Variants in GABRA1 observed in about 807,000 individuals in gnomAD.
The protein encoded by GABRA1 is gamma-aminobutyric acid receptor subunit alpha-1.
Under a neutral mutation model 48.9 loss-of-function variants are expected in GABRA1, and 9 were observed. The ratio of observed to expected loss-of-function variants is 0.18; its 90% CI spans 0.11 to 0.32. The LOEUF (loss-of-function observed/expected upper bound fraction) is 0.32, where lower values mean the gene tolerates loss of function less well. GABRA1 is among the 10% of genes least tolerant of loss of function. The pLI, the probability that GABRA1 is intolerant of heterozygous loss-of-function variation, is 1.00. For missense variants in GABRA1, 285 were observed against 553.8 expected (o/e 0.51, Z 4.87); for synonymous variants, 210 against 198.7 (o/e 1.06, Z -0.48).
chr5:161,849,895 A>G (rs1757367063), intron 1 of GABRA1, among the ~76,000 whole-genome samples: 1 of 152,160 alleles, frequency 6.6e-6, no homozygotes, highest in African/African-American at 2.4e-5. Context: ...ACATTCCACT[A>G]CCAAGTCTAA....
chr5:161,896,227 A>G (rs1377493785), intron 9 of GABRA1, among the ~76,000 whole-genome samples: 1 of 152,160 alleles, frequency 6.6e-6, no homozygotes, highest in African/African-American at 2.4e-5. Context: ...TAATTTTATA[A>G]CTTGAAAGTT....
intron 2 of GABRA1, among the ~76,000 whole-genome samples, chr5:161,852,895 C>T (rs1465598945): frequency 1.3e-5 from 2 of 151,894 alleles, no homozygotes; most frequent in East Asian, 3.9e-4. Context: ...ATTTTTTGAT[C>T]ATATATCTTG....
At chr5:161,860,885 G>T (rs1230381551) in intron 3 of GABRA1, among the ~76,000 whole-genome samples, 1 of 151,856 alleles carries the variant, frequency 6.6e-6, no homozygotes, top group Non-Finnish European at 1.5e-5. Flanking sequence ...AGCTACTCTT[G>T]ACCTTTTTAT....
chr5:161,851,953 G>A (rs973179615), intron 2 of GABRA1, among the ~76,000 whole-genome samples: 1 of 152,024 alleles, frequency 6.6e-6, no homozygotes, highest in Non-Finnish European at 1.5e-5. Context: ...ATCAAAATCA[G>A]GTAATGTAAC....
chr5:161,859,263 A>G (rs1042956304), intron 3 of GABRA1, among the ~76,000 whole-genome samples: 1 of 151,720 alleles, frequency 6.6e-6, no homozygotes, highest in Non-Finnish European at 1.5e-5. Context: ...CCTTACCATC[A>G]TATTTTTTCC....
rs201136274 is a variant in GABRA1 at position 161,893,004 on chromosome 5, CA to C, written c.856+1961del. Among the ~76,000 whole-genome samples, 2 of 33,962 alleles carry C rather than the reference CA, an allele frequency of 5.9e-5. 1 individual carries two copies. Among genetic ancestry groups the C allele is most frequent in the African/African-American group, 3.0e-4 (2 of 6,678 alleles). The allele number at this position is 33,962 out of a possible 152,430, so 22.3% of individuals were successfully genotyped here. ...GGAGCAACAGAGCGAGACTCCTTCT[CA>C]AAAAAATAATAATAATAATAATAAT... On this transcript the variant is annotated intron_variant, in intron 8 of 9. Transcript: ENST00000393943.
In GABRA1 at chr5:161,865,884, A is replaced by G. The variant is rs1753814728; in HGVS notation, c.255+96A>G. ...ACTAAGTTCTTAGGGAGCAACCTGAAAAGTCTTGGCTATACTTTTGTGTCT... is the reference window on the plus strand; with the variant it reads ...ACTAAGTTCTTAGGGAGCAACCTGAGAAGTCTTGGCTATACTTTTGTGTCT... On this transcript the variant is annotated intron_variant, in intron 4 of 9. Coordinates refer to ENST00000393943, the MANE Select transcript of GABRA1 (RefSeq NM_001127644.2). 4.2e-5 allele frequency: 40 copies of G among 961,054 alleles called. 1 individual carries two copies. The South Asian group carries it at 5.1e-4, about 12-fold the overall frequency. The allele number at this position is 961,054 out of a possible 1,614,324, so 59.5% of individuals were successfully genotyped here.
intron 3 of GABRA1, among the ~76,000 whole-genome samples, chr5:161,858,764 A>G (rs531931351): frequency 2.6e-5 from 4 of 151,922 alleles, no homozygotes; most frequent in African/African-American, 9.6e-5. Context: ...ATTTCCGAAG[A>G]AAGACCTTTT....
intron 8 of GABRA1, 86 bp from the exon 9 acceptor site, chr5:161,895,580 T>C: frequency 8.2e-7 from 1 of 1,214,960 alleles, no homozygotes; most frequent in Admixed American, 2.0e-5. Flanking sequence ...TACTGTTGAT[T>C]TCCTTTTGTT....
Position 161,897,159 on chromosome 5 carries a change from C to A in GABRA1, c.1108C>A (p.Pro370Thr), listed in dbSNP as rs1424508480. Residue 370 changes from proline to threonine, a missense_variant, in exon 10 of 10, where the codon CCA becomes ACA. Pro to Thr is a conservative substitution (Grantham distance 38). Coordinates refer to ENST00000393943, the MANE Select transcript of GABRA1 (RefSeq NM_001127644.2). ...TATTAAGAAAAACAACACTTACGCTCCAACAGCAACCAGCTACACCCCTAA... is the reference window on the plus strand; with the variant it reads ...TATTAAGAAAAACAACACTTACGCTACAACAGCAACCAGCTACACCCCTAA... ...PLIKKNNTYA[P>T]TATSYTPNLA... The A allele has an allele frequency of 6.2e-7, 1 of 1,613,948 alleles. No individual in the cohort carries two copies. Among genetic ancestry groups the A allele is most frequent in the African/African-American group, 1.3e-5 (1 of 74,900 alleles).
intron 6 of GABRA1, chr5:161,882,351 A>G: frequency 3.4e-6 from 2 of 586,832 alleles, no homozygotes; most frequent in Non-Finnish European, 6.0e-6. Flanking sequence ...CCTTATAACC[A>G]TTTGTTGGAA....
chr5:161,896,311 A>C (rs1755366001), intron 9 of GABRA1, among the ~76,000 whole-genome samples: 1 of 152,194 alleles, frequency 6.6e-6, no homozygotes, highest in Non-Finnish European at 1.5e-5. Context: ...AATTAAATTA[A>C]GTTTGCCACA....
intron 7 of GABRA1, among the ~76,000 whole-genome samples, chr5:161,889,026 A>T (rs1462284033): frequency 6.6e-6 from 1 of 152,072 alleles, no homozygotes; most frequent in African/African-American, 2.4e-5. Flanking sequence ...ATATGTATGT[A>T]GTTAAATAAC....
intron 8 of GABRA1, 80 bp from the exon 9 acceptor site, chr5:161,895,586 T>C: frequency 1.6e-6 from 2 of 1,269,956 alleles, no homozygotes; most frequent in South Asian, 2.5e-5. Flanking sequence ...TGATTTCCTT[T>C]TGTTCAAGTA....
chr5:161,872,307 A>G (rs1011314350), intron 4 of GABRA1: 10 of 152,538 alleles, frequency 6.6e-5, no homozygotes, highest in Non-Finnish European at 1.0e-4. Flanking sequence ...AGATTAGCAG[A>G]TGTTTGTCTC....
intron 2 of GABRA1, 31 bp downstream of exon 2, chr5:161,850,915 A>G (rs748063456): frequency 1.9e-6 from 3 of 1,559,324 alleles, no homozygotes; most frequent in Non-Finnish European, 2.7e-6. Flanking sequence ...ATCTGCATGA[A>G]AATTTCTGTA....
At chr5:161,868,836 G>A (rs1237850033) in intron 4 of GABRA1, among the ~76,000 whole-genome samples, 2 of 152,094 alleles carry the variant, frequency 1.3e-5, no homozygotes, top group African/African-American at 2.4e-5. Context: ...TCTTAGAATA[G>A]GCTTTTTGAT....
At chr5:161,889,681 T>C (rs1419518351) in intron 7 of GABRA1, among the ~76,000 whole-genome samples, 5 of 152,058 alleles carry the variant, frequency 3.3e-5, no homozygotes, top group African/African-American at 1.2e-4. Context: ...ATTAGGAAGT[T>C]TGCTTGTTAC....
chr5:161,897,401 A>G lies in GABRA1; in HGVS notation c.1350A>G (p.Lys450=), dbSNP rs142385746. The G allele has an allele frequency of 3.0e-4, 477 of 1,614,062 alleles. 2 individuals carry two copies. Among genetic ancestry groups the G allele is most frequent in the Middle Eastern group, 2.0e-3 (12 of 6,062 alleles). ...ATTTAAACAGAGAGCCTCAGCTAAA[A>G]GCCCCCACACCACATCAATAGATCT... ...ATYLNREPQL[K]APTPHQ Residue 450 remains lysine, a synonymous_variant, in exon 10 of 10, where the codon AAA becomes AAG. Coordinates refer to ENST00000393943, the MANE Select transcript of GABRA1 (RefSeq NM_001127644.2).
Sources: allele counts gnomAD v4.1 joint callset (sites outside exome capture counted in the v4.1 genomes callset), GRCh38; gene constraint gnomAD v4.1.1; transcripts MANE v1.5; gene names NCBI Gene and HGNC (gene_info 2026-07-23, HGNC 2026-07-21).